GNAO1: variants seen among roughly 807,000 people sequenced by gnomAD.
The protein encoded by GNAO1 is guanine nucleotide-binding protein G(o) subunit alpha.
For synonymous variants in GNAO1, 164 were observed against 180.7 expected (o/e 0.91, Z 0.74); for missense variants, 166 against 478.7 (o/e 0.35, Z 6.10).
At chr16:56,252,843 G>A (rs1453023718) in intron 2 of GNAO1, among the ~76,000 whole-genome samples, 2 of 152,088 alleles carry the variant, frequency 1.3e-5, no homozygotes, top group East Asian at 3.9e-4. Flanking sequence ...GACATGCCCT[G>A]TTGCCCTTGA....
intron 2 of GNAO1, among the ~76,000 whole-genome samples, chr16:56,269,800 G>T (rs1234580947): frequency 6.6e-6 from 1 of 152,202 alleles, no homozygotes; most frequent in African/African-American, 2.4e-5. Flanking sequence ...CAGAAGTTGG[G>T]GGGGAAACTG....
At chr16:56,266,195 G>A (rs998599456) in intron 2 of GNAO1, among the ~76,000 whole-genome samples, 1 of 152,132 alleles carries the variant, frequency 6.6e-6, no homozygotes, top group African/African-American at 2.4e-5. Context: ...TGTCCTGTTC[G>A]CCAGTCTCCT....
intron 4 of GNAO1, among the ~76,000 whole-genome samples, chr16:56,334,055 C>T (rs189935407): frequency 6.6e-6 from 1 of 152,380 alleles, no homozygotes; most frequent in East Asian, 1.9e-4. Context: ...GGTCTGTCCC[C>T]ACAGCAGGAG....
At chr16:56,236,273 G>A (rs1281064420) in intron 2 of GNAO1, among the ~76,000 whole-genome samples, 1 of 152,190 alleles carries the variant, frequency 6.6e-6, no homozygotes, top group Non-Finnish European at 1.5e-5. Context: ...TAGTAGATGT[G>A]TTGGAGAAAA....
At chr16:56,281,268 C>T (rs74369986) in intron 3 of GNAO1, among the ~76,000 whole-genome samples, 2,518 of 152,236 alleles carry the variant, frequency 0.017, 26 homozygotes, top group Non-Finnish European at 0.026. Flanking sequence ...GAATCCCATC[C>T]TTCATCCTAA....
intron 2 of GNAO1, among the ~76,000 whole-genome samples, chr16:56,229,876 C>A (rs954301368): frequency 1.3e-5 from 2 of 152,144 alleles, no homozygotes; most frequent in East Asian, 1.9e-4. Flanking sequence ...CTTAGAACTT[C>A]TCGAGCTTTT....
At chr16:56,234,649 A>G (rs1305690385) in intron 2 of GNAO1, among the ~76,000 whole-genome samples, 2 of 152,116 alleles carry the variant, frequency 1.3e-5, no homozygotes, top group Non-Finnish European at 2.9e-5. Flanking sequence ...TTGCTTCTCA[A>G]ATCCAGGGAG....
intron 3 of GNAO1, among the ~76,000 whole-genome samples, chr16:56,289,352 G>T (rs988052384): frequency 4.6e-5 from 7 of 152,196 alleles, no homozygotes; most frequent in African/African-American, 1.4e-4. Context: ...AGTCTAAGAC[G>T]GGAGTATAGC....
intron 4 of GNAO1, among the ~76,000 whole-genome samples, chr16:56,334,132 G>A (rs1275342432): frequency 3.3e-5 from 5 of 152,228 alleles, no homozygotes; most frequent in African/African-American, 2.4e-5. Flanking sequence ...CTGTATGGCT[G>A]TGCAGCCCTG....
At chr16:56,200,323 C>T (rs753619747) in intron 2 of GNAO1, among the ~76,000 whole-genome samples, 2 of 152,072 alleles carry the variant, frequency 1.3e-5, no homozygotes, top group African/African-American at 2.4e-5. Flanking sequence ...TCTTAATAAA[C>T]GTTAGTTAAA....
intron 3 of GNAO1, among the ~76,000 whole-genome samples, chr16:56,277,862 G>A (rs4784651): frequency 0.3 from 44,153 of 148,486 alleles, 6,895 homozygotes; most frequent in Middle Eastern, 0.37. Context: ...GATCTTCCAG[G>A]AGCAAATGTA....
intron 2 of GNAO1, among the ~76,000 whole-genome samples, chr16:56,231,811 G>A (rs548587502): frequency 6.6e-6 from 1 of 152,288 alleles, no homozygotes; most frequent in Admixed American, 6.5e-5. Context: ...TTTCCCAAGG[G>A]CCCTCTACTC....
At chr16:56,277,199 C>A (rs79464093) in intron 3 of GNAO1, among the ~76,000 whole-genome samples, 5,205 of 152,264 alleles carry the variant, frequency 0.034, 207 homozygotes, top group South Asian at 0.1. Flanking sequence ...GGCCAGCCTG[C>A]GGTGGAGAAG....
chr16:56,213,112 C>T (rs1348927762), intron 2 of GNAO1, among the ~76,000 whole-genome samples: 2 of 152,208 alleles, frequency 1.3e-5, no homozygotes, highest in Non-Finnish European at 2.9e-5. Context: ...ACTTTTTGGT[C>T]AAGACCCGCT....
intron 6 of GNAO1, chr16:56,344,587 G>A (rs545468174): frequency 1.0e-6 from 1 of 986,006 alleles, no homozygotes; most frequent in Non-Finnish European, 1.2e-6. Flanking sequence ...TGACTCCTCC[G>A]AGTTCTGGAA....
At chr16:56,246,420 G>C (rs192820742) in intron 2 of GNAO1, among the ~76,000 whole-genome samples, 43 of 152,282 alleles carry the variant, frequency 2.8e-4, no homozygotes, top group Admixed American at 2.8e-3. Context: ...TCAGAGTCCC[G>C]TTCACAGAAA....
rs1422375860 is a variant in GNAO1, at chr16:56,220,834, G to C, written c.161+28218G>C. Among the ~76,000 whole-genome samples, 6 of 152,106 alleles carry C rather than the reference G, an allele frequency of 3.9e-5. 1 individual carries two copies. Among genetic ancestry groups the C allele is most frequent in the African/African-American group, 1.4e-4 (6 of 41,408 alleles). On this transcript the variant is annotated intron_variant, in intron 2 of 8. Coordinates refer to ENST00000262493, the MANE Select transcript of GNAO1 (RefSeq NM_020988.3). ...ACAATCTTGGCTCACTGCAACCTCT[G>C]CTGCCCGGGTTCAAGCAATTCTTCT...
At chr16:56,320,764 T>A (rs1355411363) in intron 3 of GNAO1, among the ~76,000 whole-genome samples, 1 of 152,168 alleles carries the variant, frequency 6.6e-6, no homozygotes, top group East Asian at 1.9e-4. Context: ...AGTCAGGTTT[T>A]CCCTCACACA....
At chr16:56,214,499 CCTAA>C (rs1206777279) in intron 2 of GNAO1, among the ~76,000 whole-genome samples, 6 of 152,128 alleles carry the variant, frequency 3.9e-5, no homozygotes, top group African/African-American at 1.4e-4. Context: ...ACAAAAGGTT[CCTAA>C]CACATCAAAA....
Sources: allele counts gnomAD v4.1 joint callset (sites outside exome capture counted in the v4.1 genomes callset), GRCh38; gene constraint gnomAD v4.1.1; transcripts MANE v1.5; gene names NCBI Gene and HGNC (gene_info 2026-07-23, HGNC 2026-07-21).